Variants in RERE observed in about 807,000 individuals in gnomAD.
RERE encodes the protein arginine-glutamic acid dipeptide repeats.
In RERE, 40 loss-of-function variants were observed where a neutral mutation model predicts 146.1. The ratio of observed to expected loss-of-function variants is 0.27; its 90% CI spans 0.21 to 0.36. The LOEUF (loss-of-function observed/expected upper bound fraction) is 0.36, where lower values mean the gene tolerates loss of function less well. Ranked by LOEUF, RERE falls within the 10% of genes least tolerant of loss-of-function variation. The pLI, the probability that RERE is intolerant of heterozygous loss-of-function variation, is 1.00. For missense variants in RERE, 1,933 were observed against 2,138.7 expected (o/e 0.90, Z 1.90); for synonymous variants, 1,003 against 866.0 (o/e 1.16, Z -2.78).
Position 8,356,332 on chromosome 1 carries a change from T to TC in RERE, c.4340-87dup. ...TTGGCTGGAATGACCGATGACTTCC[T>TC]CCTCACCCAGGATGGCTCCTGGTCA... On this transcript the variant is annotated intron_variant, in intron 20 of 22. Transcript: ENST00000400908. The surrounding 1 kb of genome is among the most constrained non-coding windows in gnomAD (Gnocchi z 5.2). 7.3e-7 allele frequency: 1 copy of TC among 1,362,814 alleles called. No individual in the cohort carries two copies. The highest frequency in any genetic ancestry group is 9.5e-7 in the Non-Finnish European group (1 of 1,050,816). 84.4% of individuals were successfully genotyped at this position (1,362,814 alleles called of 1,614,324 possible).
chr1:8,508,734 C>A, intron 7 of RERE, 59 bp from the exon 8 acceptor site: 2 of 1,356,334 alleles, frequency 1.5e-6, no homozygotes, highest in Admixed American at 2.1e-5. Flanking sequence ...TAAACATTCA[C>A]ACATTTTTCA....
chr1:8,592,429 C>T (rs544367269), intron 4 of RERE, among the ~76,000 whole-genome samples: 4 of 152,230 alleles, frequency 2.6e-5, no homozygotes, highest in South Asian at 2.1e-4. Context: ...TACCACCATG[C>T]CCGGCTAATT....
At chr1:8,406,116 G>A (rs1643430369) in intron 12 of RERE, among the ~76,000 whole-genome samples, 1 of 151,926 alleles carries the variant, frequency 6.6e-6, no homozygotes, top group Non-Finnish European at 1.5e-5. Context: ...TTTTTAAATC[G>A]AGACAGGGTC....
intron 1 of RERE, among the ~76,000 whole-genome samples, chr1:8,682,010 C>T (rs79739967): frequency 0.013 from 1,909 of 152,228 alleles, 38 homozygotes; most frequent in African/African-American, 0.044. Flanking sequence ...TTCAACATAA[C>T]CATGCAAAGC....
intron 1 of RERE, among the ~76,000 whole-genome samples, chr1:8,745,622 G>A (rs1374454306): frequency 3.3e-5 from 5 of 152,120 alleles, no homozygotes; most frequent in Admixed American, 1.3e-4. Flanking sequence ...GGATTCCACG[G>A]TTCACTGAAT....
chr1:8,475,373 TAAAAA>T (rs70990569), intron 10 of RERE, among the ~76,000 whole-genome samples: 2 of 137,002 alleles, frequency 1.5e-5, no homozygotes, highest in Non-Finnish European at 3.1e-5. Flanking sequence ...GATTCTGTCT[TAAAAA>T]AAAAAAAAAA....
intron 1 of RERE, among the ~76,000 whole-genome samples, chr1:8,676,979 T>C (rs868519297): frequency 5.3e-5 from 8 of 152,110 alleles, no homozygotes; most frequent in Admixed American, 3.9e-4. Flanking sequence ...CCTCCAGTCC[T>C]CCCTAAACAG....
intron 4 of RERE, among the ~76,000 whole-genome samples, chr1:8,611,491 G>C (rs934780060): frequency 7.9e-5 from 12 of 152,050 alleles, no homozygotes; most frequent in Admixed American, 2.0e-4. Flanking sequence ...ATGACAGGGT[G>C]AGACTCTGTC....
intron 1 of RERE, among the ~76,000 whole-genome samples, chr1:8,724,290 T>C (rs1364760086): frequency 6.6e-6 from 1 of 152,192 alleles, no homozygotes; most frequent in East Asian, 1.9e-4. Flanking sequence ...AAATGGGTTA[T>C]ACATTTAAAT....
At chr1:8,614,473 G>A in intron 4 of RERE, 88 bp downstream of exon 4, 1 of 1,358,646 alleles carries the variant, frequency 7.4e-7, no homozygotes, top group South Asian at 1.4e-5. Flanking sequence ...CATTTTAAAA[G>A]GGGCTCTGGG....
intron 4 of RERE, among the ~76,000 whole-genome samples, chr1:8,576,740 G>A (rs781271061): frequency 6.6e-6 from 1 of 152,212 alleles, no homozygotes; most frequent in Non-Finnish European, 1.5e-5. Context: ...GCCAGGTTAT[G>A]GGAAAAGGGT....
At chr1:8,789,744 G>A (rs571880750) in intron 1 of RERE, among the ~76,000 whole-genome samples, 6 of 152,066 alleles carry the variant, frequency 3.9e-5, no homozygotes, top group South Asian at 2.1e-4. Context: ...TTTACTGAAC[G>A]CTGCGCATAC....
At chr1:8,704,136 A>T (rs1639514213) in intron 1 of RERE, among the ~76,000 whole-genome samples, 1 of 152,224 alleles carries the variant, frequency 6.6e-6, no homozygotes, top group African/African-American at 2.4e-5. Context: ...TTTTATGTGA[A>T]TCTTAACAGA....
chr1:8,403,675 A>G (rs540267850), intron 12 of RERE, among the ~76,000 whole-genome samples: 1 of 151,468 alleles, frequency 6.6e-6, no homozygotes, highest in African/African-American at 2.4e-5. Flanking sequence ...CTATATTGCT[A>G]TTTTCACATA....
chr1:8,519,615 C>T (rs981758355), intron 7 of RERE: 15 of 152,060 alleles, frequency 9.9e-5, no homozygotes, highest in Non-Finnish European at 1.9e-4. Flanking sequence ...GTACCTATTG[C>T]TTAGGGGTCA....
chr1:8,601,778 A>ACACACAC (rs1570493975), intron 4 of RERE, among the ~76,000 whole-genome samples: 8 of 83,270 alleles, frequency 9.6e-5, no homozygotes, highest in East Asian at 3.9e-4. Flanking sequence ...CACACACACA[A>ACACACAC]ACACACACAC....
At chr1:8,441,789 T>C (rs1317858102) in intron 11 of RERE, among the ~76,000 whole-genome samples, 1 of 152,192 alleles carries the variant, frequency 6.6e-6, no homozygotes, top group Non-Finnish European at 1.5e-5. Flanking sequence ...CCAATAAATG[T>C]TAAGCAAAAA....
chr1:8,782,634 G>A (rs1313446621), intron 1 of RERE, among the ~76,000 whole-genome samples: 4 of 152,154 alleles, frequency 2.6e-5, no homozygotes, highest in East Asian at 3.9e-4. Context: ...GGCCAGGCGC[G>A]GTGGCTCACA....
At chr1:8,394,372 T>G (rs1021410469) in intron 12 of RERE, among the ~76,000 whole-genome samples, 1 of 152,242 alleles carries the variant, frequency 6.6e-6, no homozygotes, top group Non-Finnish European at 1.5e-5. Flanking sequence ...CTCAAAATAT[T>G]TGAAGTTCGA....
Sources: gnomAD v4.1 joint callset for allele counts (sites outside exome capture counted in the v4.1 genomes callset) on GRCh38, gnomAD v4.1.1 for gene constraint, Gnocchi (gnomAD v3.1) non-coding constraint, MANE v1.5 for transcripts, NCBI Gene and HGNC (gene_info 2026-07-23, HGNC 2026-07-21) for gene names.